LYRM4: variants seen among roughly 807,000 people sequenced by gnomAD.
LYRM4 encodes the protein LYR motif-containing protein 4.
In LYRM4, 9 loss-of-function variants were observed where a neutral mutation model predicts 11.7. The observed-to-expected ratio is 0.77, with a 90% CI of 0.46 to 1.34. LYRM4 has a LOEUF of 1.34. Among genes scored for constraint, LYRM4 ranks in the 40% most tolerant of loss-of-function variants. The pLI is 0.00. For synonymous variants in LYRM4, 42 were observed against 40.4 expected (o/e 1.04, Z -0.15); for missense variants, 133 against 112.5 (o/e 1.18, Z -0.82).
chr6:5,226,445 C>T (rs9504358), intron 1 of LYRM4, among the ~76,000 whole-genome samples: 315 of 152,192 alleles, frequency 2.1e-3, no homozygotes, highest in African/African-American at 7.3e-3. Flanking sequence ...AGTGCAATGG[C>T]GCAATCTCAG....
chr6:5,113,733 CTCTTTT>C (rs1004535110), intron 2 of LYRM4, among the ~76,000 whole-genome samples: 2 of 52,186 alleles, frequency 3.8e-5, no homozygotes, highest in African/African-American at 1.9e-4. Flanking sequence ...TTTTCTCTCT[CTCTTTT>C]TTTTTTTTTT....
At chr6:5,179,368 A>G (rs1581446442) in intron 2 of LYRM4, among the ~76,000 whole-genome samples, 1 of 152,276 alleles carries the variant, frequency 6.6e-6, no homozygotes, top group East Asian at 1.9e-4. Context: ...TTTATCTTCC[A>G]AAACTGAAAC....
intron 1 of LYRM4, among the ~76,000 whole-genome samples, chr6:5,217,867 T>G (rs1762365060): frequency 6.6e-6 from 1 of 152,144 alleles, no homozygotes; most frequent in Non-Finnish European, 1.5e-5. Context: ...GGCATAAGAC[T>G]AAGGAGAAGC....
At chr6:5,135,750 T>A (rs1011726793) in intron 2 of LYRM4, among the ~76,000 whole-genome samples, 1 of 152,206 alleles carries the variant, frequency 6.6e-6, no homozygotes, top group African/African-American at 2.4e-5. Context: ...GTGTGTGTGT[T>A]AAATACACAA....
chr6:5,245,684 A>G (rs1764165476), intron 1 of LYRM4, among the ~76,000 whole-genome samples: 1 of 152,222 alleles, frequency 6.6e-6, no homozygotes, highest in Non-Finnish European at 1.5e-5. Flanking sequence ...GCCTGAGGCC[A>G]GAGAACCATG....
At chr6:5,120,563 G>A (rs112066775) in intron 2 of LYRM4, among the ~76,000 whole-genome samples, 15,053 of 152,156 alleles carry the variant, frequency 0.099, 793 homozygotes, top group Middle Eastern at 0.16. Flanking sequence ...GACGCCAGTG[G>A]GTTGCTGCTG....
intron 2 of LYRM4, among the ~76,000 whole-genome samples, chr6:5,137,832 G>A (rs1338989229): frequency 6.6e-6 from 1 of 152,190 alleles, no homozygotes; most frequent in Non-Finnish European, 1.5e-5. Context: ...CTTTGTCCTT[G>A]CAAGCTGCCT....
intron 2 of LYRM4, among the ~76,000 whole-genome samples, chr6:5,118,883 C>G (rs1368835049): frequency 6.6e-6 from 1 of 152,188 alleles, no homozygotes; most frequent in Admixed American, 6.5e-5. Flanking sequence ...TAGAATCCAG[C>G]AGGCTTGTTT....
chr6:5,119,794 CAAAAAAAAAAAAAAAA>C (rs968606439), intron 2 of LYRM4, among the ~76,000 whole-genome samples: 1 of 16,888 alleles, frequency 5.9e-5, no homozygotes, highest in African/African-American at 1.2e-4. Context: ...GTCTCCATAA[CAAAAAAAAAAAAAAAA>C]AAAAAAAAAA....
intron 1 of LYRM4, among the ~76,000 whole-genome samples, chr6:5,251,672 C>A (rs1009202980): frequency 1.3e-5 from 2 of 152,214 alleles, no homozygotes; most frequent in African/African-American, 2.4e-5. Flanking sequence ...TCCCACCAGG[C>A]CCCACCTCCA....
chr6:5,113,221 T>C (rs961541152), intron 2 of LYRM4: 2 of 358,782 alleles, frequency 5.6e-6, no homozygotes, highest in Admixed American at 6.2e-5. Context: ...GATCACGAGG[T>C]CACAAGTCTG....
chr6:5,259,253 G>A (rs1314641885), intron 1 of LYRM4, among the ~76,000 whole-genome samples: 1 of 152,142 alleles, frequency 6.6e-6, no homozygotes, highest in Non-Finnish European at 1.5e-5. Flanking sequence ...AAATCAAATG[G>A]TTTCTATTTA....
At chr6:5,112,305 G>A (rs1336562148) in intron 2 of LYRM4, among the ~76,000 whole-genome samples, 1 of 152,228 alleles carries the variant, frequency 6.6e-6, no homozygotes, top group Non-Finnish European at 1.5e-5. Flanking sequence ...GGTGAACACT[G>A]CTTTCTGTGT....
At chr6:5,071,729 C>A in the LYRM4 span, among the ~76,000 whole-genome samples, 1 of 152,108 alleles carries the variant, frequency 6.6e-6, no homozygotes, top group Non-Finnish European at 1.5e-5. Flanking sequence ...CCTCTGCCTC[C>A]CTGGCTCACA....
intron 1 of LYRM4, among the ~76,000 whole-genome samples, chr6:5,243,579 T>C (rs1270135383): frequency 6.6e-6 from 1 of 152,064 alleles, no homozygotes; most frequent in Non-Finnish European, 1.5e-5. Flanking sequence ...TTCTGGGAAA[T>C]AATTCCCTGT....
chr6:5,051,573 G>T, the LYRM4 span, among the ~76,000 whole-genome samples: 1 of 152,288 alleles, frequency 6.6e-6, no homozygotes, highest in African/African-American at 2.4e-5. Flanking sequence ...TGTTGACCAA[G>T]AATGTTATAT....
intron 2 of LYRM4, among the ~76,000 whole-genome samples, chr6:5,156,564 G>C (rs1446754132): frequency 1.3e-5 from 2 of 152,238 alleles, no homozygotes; most frequent in African/African-American, 4.8e-5. Flanking sequence ...AATGGCCGGG[G>C]CTGCCCGTGC....
chr6:5,085,580 T>C, the LYRM4 span: 1 of 1,544,834 alleles, frequency 6.5e-7, no homozygotes, highest in Non-Finnish European at 8.7e-7. Flanking sequence ...GCCCCGGTGG[T>C]CCCCTGTGTG....
chr6:5,122,672 C>A (rs534168413), intron 2 of LYRM4, among the ~76,000 whole-genome samples: 1 of 152,318 alleles, frequency 6.6e-6, no homozygotes, highest in South Asian at 2.1e-4. Context: ...GTCCCACATC[C>A]ACCTGTTCCT....
Sources: gnomAD v4.1 joint callset for allele counts (sites outside exome capture counted in the v4.1 genomes callset) on GRCh38, gnomAD v4.1.1 for gene constraint, MANE v1.5 for transcripts, NCBI Gene and HGNC (gene_info 2026-07-23, HGNC 2026-07-21) for gene names.